The following MGLL variants were observed in gnomAD, a reference collection of about 807,000 sequenced individuals.
MGLL encodes lysophospholipase homolog.
Under a neutral mutation model 29.1 loss-of-function variants are expected in MGLL, and 7 were observed. That is an observed-to-expected ratio of 0.24 (90% CI 0.14 to 0.45). The LOEUF is 0.45. Ranked by LOEUF, MGLL falls within the 20% of genes least tolerant of loss-of-function variation. MGLL has a pLI of 0.99. For missense variants in MGLL, 356 were observed against 413.6 expected, an observed-to-expected ratio of 0.86 and a Z score of 1.21; for synonymous variants, 148 against 168.3, an observed-to-expected ratio of 0.88 and a Z score of 0.93.
chr3:127,716,697 G>A (rs1424017155), intron 5 of MGLL, among the ~76,000 whole-genome samples: 1 of 152,250 alleles, frequency 6.6e-6, no homozygotes, highest in Non-Finnish European at 1.5e-5. Context: ...TTCTGCCAGT[G>A]AAAGCCTTGC....
intron 3 of MGLL, among the ~76,000 whole-genome samples, chr3:127,755,559 G>A (rs537790692): frequency 1.8e-4 from 27 of 152,290 alleles, no homozygotes; most frequent in South Asian, 4.1e-4. Flanking sequence ...CACATGCAGC[G>A]GCGAGACTCA....
chr3:127,797,637 T>C (rs1368735908), intron 2 of MGLL, among the ~76,000 whole-genome samples: 1 of 152,224 alleles, frequency 6.6e-6, no homozygotes, highest in African/African-American at 2.4e-5. Context: ...AGACTTGGTC[T>C]TCTTCTGTCA....
chr3:127,693,976 T>TA (rs1303906494), intron 7 of MGLL, among the ~76,000 whole-genome samples: 2 of 152,138 alleles, frequency 1.3e-5, no homozygotes, highest in African/African-American at 4.8e-5. Context: ...CTGTGGCTTT[T>TA]AAAAAATATA....
chr3:127,723,034 C>T (rs1202586105), intron 3 of MGLL, among the ~76,000 whole-genome samples: 3 of 152,224 alleles, frequency 2.0e-5, no homozygotes, highest in Non-Finnish European at 4.4e-5. Context: ...CCTCATCTTA[C>T]AGTTTTAGGT....
In MGLL at chr3:127,721,416, C is replaced by T. The variant is rs7651925; in HGVS notation, c.400-253G>A. Among the ~76,000 whole-genome samples the T allele has an allele frequency of 2.5e-3, 376 of 151,270 alleles. 3 individuals are homozygous for T. Among genetic ancestry groups the T allele is most frequent in the African/African-American group, 8.2e-3 (336 of 41,198 alleles). On this transcript the variant is annotated intron_variant, in intron 4 of 7. Transcript: ENST00000265052. ...ATAAATAAGGTTCCTGCTTGTGGGC[C>T]GCAAGTTAAACAATAACACATTCCC...
intron 2 of MGLL, among the ~76,000 whole-genome samples, chr3:127,789,525 C>G (rs2077267051): frequency 1.3e-5 from 2 of 152,130 alleles, no homozygotes; most frequent in Admixed American, 6.5e-5. Context: ...GCCTGGGCAA[C>G]ATGGTGAGAC....
At chr3:127,709,061 A>G (rs1283395417) in intron 6 of MGLL, among the ~76,000 whole-genome samples, 5 of 152,236 alleles carry the variant, frequency 3.3e-5, no homozygotes, top group African/African-American at 1.2e-4. Flanking sequence ...AAATGGGGTT[A>G]ATGTCGATCT....
At chr3:127,764,428 T>C (rs1255222048) in intron 3 of MGLL, among the ~76,000 whole-genome samples, 1 of 152,124 alleles carries the variant, frequency 6.6e-6, no homozygotes, top group East Asian at 1.9e-4. Flanking sequence ...GGCCATATAC[T>C]TGTGGTGCAG....
At chr3:127,721,710 C>T (rs1299910970) in intron 4 of MGLL, among the ~76,000 whole-genome samples, 1 of 152,124 alleles carries the variant, frequency 6.6e-6, no homozygotes, top group Non-Finnish European at 1.5e-5. Context: ...GTTGCAACCG[C>T]AAATGCTCAC....
At chr3:127,786,763 A>G (rs1178347508) in intron 2 of MGLL, among the ~76,000 whole-genome samples, 1 of 152,216 alleles carries the variant, frequency 6.6e-6, no homozygotes, top group Non-Finnish European at 1.5e-5. Context: ...CCGACCTCAG[A>G]GAGCAATGTC....
At chr3:127,750,515 G>A (rs548728882) in intron 3 of MGLL, among the ~76,000 whole-genome samples, 17 of 152,250 alleles carry the variant, frequency 1.1e-4, no homozygotes, top group Non-Finnish European at 1.5e-4. Context: ...GGAGGAAACC[G>A]AGAAAGCCCC....
intron 2 of MGLL, among the ~76,000 whole-genome samples, chr3:127,786,906 A>G (rs563150094): frequency 1.2e-3 from 190 of 152,238 alleles, no homozygotes; most frequent in African/African-American, 4.4e-3. Flanking sequence ...GCCACTTGCC[A>G]TGTGGAGGTG....
At chr3:127,742,589 C>CAAAAAA (rs60743176) in intron 3 of MGLL, among the ~76,000 whole-genome samples, 18 of 70,488 alleles carry the variant, frequency 2.6e-4, no homozygotes, top group African/African-American at 8.5e-4. Flanking sequence ...GACTCCGTCC[C>CAAAAAA]AAAAAAAAAA....
At chr3:127,810,427 A>G (rs1045787975) in intron 2 of MGLL, among the ~76,000 whole-genome samples, 1 of 152,188 alleles carries the variant, frequency 6.6e-6, no homozygotes, top group Non-Finnish European at 1.5e-5. Flanking sequence ...TTTTCAGAGC[A>G]CACTGTATCC....
chr3:127,695,627 C>T (rs2075345415), intron 6 of MGLL, among the ~76,000 whole-genome samples: 1 of 151,990 alleles, frequency 6.6e-6, no homozygotes, highest in African/African-American at 2.4e-5. Context: ...ACCTGTAATC[C>T]CAGCTACTTG....
intron 3 of MGLL, among the ~76,000 whole-genome samples, chr3:127,738,558 A>G (rs868109529): frequency 7.2e-5 from 11 of 152,308 alleles, no homozygotes; most frequent in Middle Eastern, 3.4e-3. Flanking sequence ...GGCAGGAGCC[A>G]TCTGCCAGGC....
intron 3 of MGLL, among the ~76,000 whole-genome samples, chr3:127,767,925 C>A (rs2076886337): frequency 6.6e-6 from 1 of 152,182 alleles, no homozygotes; most frequent in African/African-American, 2.4e-5. Flanking sequence ...CTCATAACAA[C>A]TTATGAGGTA....
At chr3:127,774,429 C>T (rs1052797180) in intron 3 of MGLL, among the ~76,000 whole-genome samples, 13 of 152,236 alleles carry the variant, frequency 8.5e-5, no homozygotes, top group African/African-American at 2.4e-4. Context: ...TGGCTCACTG[C>T]TGGACCTCTG....
intron 3 of MGLL, among the ~76,000 whole-genome samples, chr3:127,743,346 T>A (rs2076380354): frequency 6.6e-6 from 1 of 152,152 alleles, no homozygotes; most frequent in African/African-American, 2.4e-5. Flanking sequence ...AAAATTTAGC[T>A]ATCATTGTTT....
Sources: allele counts gnomAD v4.1 joint callset (sites outside exome capture counted in the v4.1 genomes callset), GRCh38; gene constraint gnomAD v4.1.1; transcripts MANE v1.5; gene names NCBI Gene and HGNC (gene_info 2026-07-23, HGNC 2026-07-21).